Variants in CENATAC observed in about 807,000 individuals in gnomAD.
CENATAC encodes the protein centrosomal AT-AC splicing factor, also known as coiled-coil domain containing 84.
CENATAC carries 53 observed loss-of-function variants against 53.7 expected under a neutral mutation model. The ratio of observed to expected loss-of-function variants is 0.99; its 90% CI spans 0.79 to 1.24. The LOEUF (loss-of-function observed/expected upper bound fraction) is 1.24. Ranked by LOEUF, CENATAC falls within the 50% of genes most tolerant of loss-of-function variation. The probability of loss-of-function intolerance (pLI) is 0.00; values close to 1 mark genes in which losing one functional copy is unlikely to be tolerated. For missense variants in CENATAC, 474 were observed against 417.8 expected (o/e 1.13, Z -1.17); for synonymous variants, 156 against 144.6 (o/e 1.08, Z -0.57).
chr11:119,001,845 C>A, intron 3 of CENATAC: 1 of 338,670 alleles, frequency 3.0e-6, no homozygotes, highest in Non-Finnish European at 5.9e-6. Flanking sequence ...TAGCTTGAGC[C>A]CAGGAGTTTG....
At chr11:119,013,998 G>A (rs61381062) in intron 8 of CENATAC, 44,940 of 152,046 alleles carry the variant, frequency 0.3, 7,324 homozygotes, top group African/African-American at 0.43. Flanking sequence ...GTGTTTGGCA[G>A]TGTAGAAAAA....
intron 3 of CENATAC, among the ~76,000 whole-genome samples, chr11:119,008,379 A>AT (rs1361892549): frequency 1.3e-5 from 2 of 152,202 alleles, no homozygotes; most frequent in African/African-American, 4.8e-5. Context: ...GAGCAAAAGA[A>AT]TGTATATCAC....
At chr11:119,008,330 G>T (rs1300108443) in intron 3 of CENATAC, among the ~76,000 whole-genome samples, 1 of 152,182 alleles carries the variant, frequency 6.6e-6, no homozygotes, top group African/African-American at 2.4e-5. Flanking sequence ...TAGTAGGACA[G>T]CAGGGTGATA....
rs1473794381 is a variant in CENATAC at position 119,011,933 on chromosome 11, ACT to A, written c.514-4_514-3del. The A allele has an allele frequency of 1.2e-6, 2 of 1,613,870 alleles. No homozygotes were observed. Among genetic ancestry groups the A allele is most frequent in the African/African-American group, 1.3e-5 (1 of 74,922 alleles). On this transcript the variant is annotated splice_region_variant and splice_polypyrimidine_tract_variant and intron_variant, in intron 5 of 10. Transcript: ENST00000334418. ...GACACATTTATTTTTCCTGAATCAA[ACT>A]CAGCCTCAGGCAGTGCCAGACCCAG...
chr11:119,001,423 G>T (rs1336374619), intron 3 of CENATAC, among the ~76,000 whole-genome samples: 1 of 150,334 alleles, frequency 6.7e-6, no homozygotes, highest in African/African-American at 2.5e-5. Context: ...AGGGAGTTTT[G>T]CTTTGTCACC....
intron 8 of CENATAC, chr11:119,014,568 C>G (rs889007654): frequency 1.3e-5 from 2 of 152,874 alleles, no homozygotes; most frequent in African/African-American, 4.8e-5. Flanking sequence ...AGCGAGACTC[C>G]TCTCAAAAAA....
At chr11:119,009,699 A>G (rs1165024130) in intron 3 of CENATAC, 1 of 152,206 alleles carries the variant, frequency 6.6e-6, no homozygotes, top group African/African-American at 2.4e-5. Context: ...GATATATTCA[A>G]GGCTCTCAGG....
intron 3 of CENATAC, among the ~76,000 whole-genome samples, chr11:119,000,644 T>C (rs1268655822): frequency 6.6e-6 from 1 of 151,928 alleles, no homozygotes; most frequent in Non-Finnish European, 1.5e-5. Context: ...TAATCCCAGA[T>C]ACTCAGGAGG....
In CENATAC at chr11:119,015,774, A is replaced by C. The variant is rs1343114362; in HGVS notation, c.*176A>C. 1 of 1,329,716 alleles carries C rather than the reference A, an allele frequency of 7.5e-7. No individual in the cohort carries two copies. Among genetic ancestry groups the C allele is most frequent in the Admixed American group, 2.0e-5 (1 of 51,124 alleles). 82.4% of individuals were successfully genotyped at this position (1,329,716 alleles called of 1,614,324 possible). A position where few individuals can be genotyped will look rare whatever the true frequency, so the allele number is the denominator to read the frequency against. On this transcript the variant is annotated 3_prime_UTR_variant, in exon 11 of 11. Transcript: ENST00000334418. ...CTGGTTGGACCTGTAAAAAAAAATT[A>C]AAAGAATCAGAACCATAAAGCTTTG...
At chr11:119,002,115 T>G (rs1049517672) in intron 3 of CENATAC, among the ~76,000 whole-genome samples, 1 of 149,482 alleles carries the variant, frequency 6.7e-6, no homozygotes, top group African/African-American at 2.5e-5. Context: ...TCCCAGCTAC[T>G]CGGGAGGGTG....
At chr11:118,999,719 T>C (rs549136108) in intron 3 of CENATAC, among the ~76,000 whole-genome samples, 1 of 152,260 alleles carries the variant, frequency 6.6e-6, no homozygotes, top group Non-Finnish European at 1.5e-5. Context: ...CTCCGCTCAC[T>C]GCAAGCTCTG....
At chr11:119,008,660 T>A (rs991343167) in intron 3 of CENATAC, among the ~76,000 whole-genome samples, 2 of 152,202 alleles carry the variant, frequency 1.3e-5, no homozygotes, top group Non-Finnish European at 2.9e-5. Context: ...CTTTTACTAA[T>A]CCACCTCAGC....
intron 3 of CENATAC, chr11:119,003,188 C>T: frequency 2.6e-6 from 1 of 386,842 alleles, no homozygotes; most frequent in Non-Finnish European, 4.8e-6. Flanking sequence ...CGTGTGTCTT[C>T]TGTCTTCTTC....
In CENATAC at chr11:118,999,107, G is replaced by A. The variant is rs938747727; in HGVS notation, c.381G>A (p.Ala127=). Residue 127 remains alanine (A), a splice_region_variant and synonymous_variant, in exon 3 of 11, where the codon GCG becomes GCA. Coordinates refer to ENST00000334418, the MANE Select transcript of CENATAC (RefSeq NM_198489.3). ...TTCTGGTCACTCCCCAGGATTATGC[G>A]CGGTGAGTCACTGGTATGGAACGTG... The part of the protein sequence containing the change: ...EKFLVTPQDY[A]RFKKSMVKGL... 4.4e-6 allele frequency: 7 copies of A among 1,608,510 alleles called. No homozygotes were observed. Among genetic ancestry groups the A allele is most frequent in the Non-Finnish European group, 6.0e-6 (7 of 1,175,064 alleles).
At chr11:119,009,191 C>T (rs782141876) in intron 3 of CENATAC, among the ~76,000 whole-genome samples, 1 of 151,984 alleles carries the variant, frequency 6.6e-6, no homozygotes, top group Non-Finnish European at 1.5e-5. Flanking sequence ...TGCAGTGGCC[C>T]GATCTCGGCT....
chr11:119,011,414 C>A, intron 5 of CENATAC, 131 bp downstream of exon 5: 1 of 832,230 alleles, frequency 1.2e-6, no homozygotes, highest in Non-Finnish European at 1.9e-6. Context: ...CGCTGTGTCA[C>A]CCAGGCTGGA....
intron 3 of CENATAC, among the ~76,000 whole-genome samples, chr11:119,002,782 G>A (rs1314370794): frequency 6.7e-6 from 1 of 149,222 alleles, no homozygotes; most frequent in Non-Finnish European, 1.5e-5. Flanking sequence ...GAATCCAATA[G>A]AAATATTTCA....
chr11:119,006,720 G>A (rs1334633080), intron 3 of CENATAC, among the ~76,000 whole-genome samples: 1 of 152,190 alleles, frequency 6.6e-6, no homozygotes, highest in Non-Finnish European at 1.5e-5. Context: ...TCTGTGATAT[G>A]GTTTAGCTGT....
chr11:119,011,367 GCTT>G (rs772166384), intron 5 of CENATAC, 84 bp downstream of exon 5: 407 of 1,279,992 alleles, frequency 3.2e-4, no homozygotes, highest in African/African-American at 5.8e-4. Flanking sequence ...ATGGACTAGT[GCTT>G]CTTCTTCTTC....
Sources: allele counts gnomAD v4.1 joint callset (sites outside exome capture counted in the v4.1 genomes callset), GRCh38; gene constraint gnomAD v4.1.1; transcripts MANE v1.5; gene names NCBI Gene and HGNC (gene_info 2026-07-23, HGNC 2026-07-21).